The following CNTN3 variants were observed in gnomAD, a reference collection of about 807,000 sequenced individuals.
CNTN3 encodes the protein contactin 3, also known as contactin-3.
Under a neutral mutation model 119.1 loss-of-function variants are expected in CNTN3, and 60 were observed. That is an observed-to-expected ratio of 0.50 (90% confidence interval 0.41 to 0.62). CNTN3 has a LOEUF of 0.62. Among genes scored for constraint, CNTN3 ranks in the 20% least tolerant of loss-of-function variants. The pLI, the probability that CNTN3 is intolerant of heterozygous loss-of-function variation, is 0.00. For missense variants in CNTN3, 1,101 were observed against 1,242.4 expected (o/e 0.89, Z 1.71); for synonymous variants, 450 against 438.7 (o/e 1.03, Z -0.32).
At chr3:74,378,752 A>C (rs2106805395) in intron 5 of CNTN3, among the ~76,000 whole-genome samples, 1 of 152,334 alleles carries the variant, frequency 6.6e-6, no homozygotes, top group Non-Finnish European at 1.5e-5. Flanking sequence ...TTTTAAGAAA[A>C]GGTTTGTTGA....
intron 5 of CNTN3, among the ~76,000 whole-genome samples, chr3:74,404,012 A>G (rs757582414): frequency 7.9e-5 from 12 of 151,966 alleles, no homozygotes; most frequent in Non-Finnish European, 1.5e-4. Flanking sequence ...CTGCTCTTAC[A>G]AGACTCGCTA....
chr3:74,300,506 A>G lies in CNTN3; in HGVS notation c.2096-568T>C, dbSNP rs1349541075. On this transcript the variant is annotated intron_variant, in intron 16 of 22. Coordinates refer to ENST00000263665, the MANE Select transcript of CNTN3 (RefSeq NM_020872.3). ...TTGGTATGGTCACAGCTGTACTTGC[A>G]ATGTCTAGAAAGTGCTGAGCACAGA... Among the ~76,000 whole-genome samples, 3 of 152,194 alleles carry G rather than the reference A, an allele frequency of 2.0e-5. No individual in the cohort carries two copies. The East Asian group carries it at 5.8e-4, about 29-fold the overall frequency.
intron 4 of CNTN3, among the ~76,000 whole-genome samples, chr3:74,464,898 A>G (rs1702434338): frequency 6.6e-6 from 1 of 152,178 alleles, no homozygotes; most frequent in Non-Finnish European, 1.5e-5. Flanking sequence ...TTATTCATTA[A>G]TTGATTTATA....
intron 5 of CNTN3, among the ~76,000 whole-genome samples, chr3:74,390,966 T>C (rs1257419672): frequency 6.6e-6 from 1 of 152,232 alleles, no homozygotes; most frequent in African/African-American, 2.4e-5. Context: ...ATTTATCATA[T>C]GATAATATGA....
rs371809585 is a variant in CNTN3, at chr3:74,325,144, GAGA to G, written c.1668+9588_1668+9590del. ...CAAAAAAAAAAAATCTTATGTAGCTGAGAGTTGTCTTGAAGCAGTTTGCATTTT... is the reference window on the plus strand; with the variant it reads ...CAAAAAAAAAAAATCTTATGTAGCTGGTTGTCTTGAAGCAGTTTGCATTTT... On this transcript the variant is annotated intron_variant, in intron 13 of 22. Transcript: ENST00000263665. Among the ~76,000 whole-genome samples, 40 of 152,036 alleles carry G rather than the reference GAGA, an allele frequency of 2.6e-4. No individual in the cohort carries two copies. The East Asian group carries it at 5.0e-3, about 19-fold the overall frequency.
chr3:74,350,158 G>A (rs1190242802), intron 11 of CNTN3, among the ~76,000 whole-genome samples: 1 of 152,090 alleles, frequency 6.6e-6, no homozygotes, highest in African/African-American at 2.4e-5. Flanking sequence ...TACTTAAGAA[G>A]GTTGAAATAA....
chr3:74,274,582 G>C (rs1301677946), intron 20 of CNTN3, among the ~76,000 whole-genome samples: 1 of 152,134 alleles, frequency 6.6e-6, no homozygotes, highest in East Asian at 1.9e-4. Context: ...CTCTCAGAAA[G>C]CCACATCCAT....
chr3:74,593,257 A>G (rs1177984661), intron 1 of CNTN3, among the ~76,000 whole-genome samples: 1 of 151,928 alleles, frequency 6.6e-6, no homozygotes, highest in Non-Finnish European at 1.5e-5. Context: ...TTCATCTCAG[A>G]GCCTCCTGAA....
intron 19 of CNTN3, among the ~76,000 whole-genome samples, chr3:74,293,488 T>A (rs547610045): frequency 2.6e-5 from 4 of 152,170 alleles, no homozygotes; most frequent in African/African-American, 9.7e-5. Context: ...GCCCCCACTT[T>A]TTTTGAGATA....
rs1206226236 is a variant in CNTN3, at chr3:74,456,894, TA to T, written c.358+29561del. Reference sequence around the variant, plus strand: ...ACTGAGATTACACTCAAAGGCAAAATAAAATCTATTTACCAATAAGTTTTTT... The same window carrying T: ...ACTGAGATTACACTCAAAGGCAAAATAAATCTATTTACCAATAAGTTTTTT... On this transcript the variant is annotated intron_variant, in intron 4 of 22. Transcript: ENST00000263665. Among the ~76,000 whole-genome samples, 5 of 152,088 alleles carry T rather than the reference TA, an allele frequency of 3.3e-5. No individual in the cohort carries two copies. The Middle Eastern group carries it at 0.014, about 414-fold the overall frequency.
chr3:74,400,784 G>C (rs571483573), intron 5 of CNTN3, among the ~76,000 whole-genome samples: 3 of 152,136 alleles, frequency 2.0e-5, no homozygotes, highest in Non-Finnish European at 4.4e-5. Flanking sequence ...ACTACCTTGA[G>C]TTACAAAGGT....
At chr3:74,334,704 TAA>T in intron 13 of CNTN3, 29 bp downstream of exon 13, 3 of 1,592,824 alleles carry the variant, frequency 1.9e-6, no homozygotes, top group Non-Finnish European at 2.6e-6. Flanking sequence ...ACATGCAATA[TAA>T]AAAGTATGAG....
At chr3:74,447,153 G>A (rs959691295) in intron 4 of CNTN3, among the ~76,000 whole-genome samples, 3 of 152,100 alleles carry the variant, frequency 2.0e-5, no homozygotes, top group African/African-American at 7.2e-5. Context: ...TGGTGACAGT[G>A]GGGAACCATC....
At chr3:74,515,249 T>C (rs925545283) in intron 2 of CNTN3, among the ~76,000 whole-genome samples, 5 of 151,970 alleles carry the variant, frequency 3.3e-5, no homozygotes, top group African/African-American at 1.2e-4. Context: ...CACTGCACAG[T>C]TGAAATGAGA....
intron 1 of CNTN3, among the ~76,000 whole-genome samples, chr3:74,527,625 A>G (rs540484424): frequency 7.9e-5 from 12 of 152,070 alleles, no homozygotes; most frequent in Admixed American, 6.6e-4. Context: ...TTACCTAATC[A>G]TGCCAACCGA....
chr3:74,509,569 ACAGGCATGAGCCACTGTGC>A (rs1416195738), intron 2 of CNTN3, among the ~76,000 whole-genome samples: 14 of 152,314 alleles, frequency 9.2e-5, no homozygotes, highest in African/African-American at 3.4e-4. Flanking sequence ...GTGCTGGGTT[ACAGGCATGAGCCACTGTGC>A]CCGGCTTCCT....
At chr3:74,507,198 C>T (rs1703277205) in intron 2 of CNTN3, among the ~76,000 whole-genome samples, 1 of 152,104 alleles carries the variant, frequency 6.6e-6, no homozygotes, top group Non-Finnish European at 1.5e-5. Flanking sequence ...GCAGGAGGAT[C>T]ATAGGAAGCC....
intron 4 of CNTN3, among the ~76,000 whole-genome samples, chr3:74,435,217 T>C (rs945287239): frequency 2.6e-5 from 4 of 152,166 alleles, no homozygotes; most frequent in Non-Finnish European, 5.9e-5. Flanking sequence ...CTCTGTTGTC[T>C]AGGCTGGAGT....
At chr3:74,468,049 A>G (rs1293735262) in intron 4 of CNTN3, among the ~76,000 whole-genome samples, 5 of 152,218 alleles carry the variant, frequency 3.3e-5, no homozygotes, top group African/African-American at 4.8e-5. Flanking sequence ...TGGGCTGATA[A>G]TGTCTCCAGC....
Sources: allele counts gnomAD v4.1 joint callset (sites outside exome capture counted in the v4.1 genomes callset), GRCh38; gene constraint gnomAD v4.1.1; transcripts MANE v1.5; gene names NCBI Gene and HGNC (gene_info 2026-07-23, HGNC 2026-07-21).